The following CEP112 variants were observed in gnomAD, a reference collection of about 807,000 sequenced individuals.
CEP112 encodes the protein centrosomal protein of 112 kDa.
Under a neutral mutation model 153.0 loss-of-function variants are expected in CEP112, and 127 were observed. That is an observed-to-expected ratio of 0.83 (90% CI 0.72 to 0.96). CEP112 has a LOEUF of 0.96. CEP112 is among the 40% of genes least tolerant of loss of function. The pLI, the probability that CEP112 is intolerant of heterozygous loss-of-function variation, is 0.00. For synonymous variants in CEP112, 358 were observed against 374.4 expected (o/e 0.96, Z 0.51); for missense variants, 1,089 against 1,101.2 (o/e 0.99, Z 0.16).
intron 12 of CEP112, among the ~76,000 whole-genome samples, chr17:66,038,081 AC>A (rs1328894252): frequency 7.6e-6 from 1 of 132,436 alleles, no homozygotes; most frequent in Non-Finnish European, 1.6e-5. Flanking sequence ...TAGCCTGGCA[AC>A]AGAGCAAGAC....
intron 24 of CEP112, among the ~76,000 whole-genome samples, chr17:65,673,387 G>A (rs908075057): frequency 6.6e-6 from 1 of 152,050 alleles, no homozygotes; most frequent in Non-Finnish European, 1.5e-5. Context: ...GAAAGTTCTC[G>A]GCCCTTAGTG....
chr17:66,173,324 C>CT (rs1568576094), intron 4 of CEP112, among the ~76,000 whole-genome samples: 1 of 152,102 alleles, frequency 6.6e-6, no homozygotes, highest in Non-Finnish European at 1.5e-5. Flanking sequence ...TTCTAGGTGT[C>CT]CAGTTTTAAA....
At chr17:66,164,047 T>A (rs1331381855) in intron 4 of CEP112, among the ~76,000 whole-genome samples, 1 of 152,258 alleles carries the variant, frequency 6.6e-6, no homozygotes, top group Non-Finnish European at 1.5e-5. Flanking sequence ...AGTTGCCACT[T>A]GGCCTCATCT....
At chr17:66,023,466 T>C (rs1408605971) in intron 16 of CEP112, among the ~76,000 whole-genome samples, 1 of 152,136 alleles carries the variant, frequency 6.6e-6, no homozygotes, top group Non-Finnish European at 1.5e-5. Flanking sequence ...TATCCTGACA[T>C]AACAAGCTTC....
chr17:65,690,597 T>C (rs553249772), intron 23 of CEP112, among the ~76,000 whole-genome samples: 1 of 151,728 alleles, frequency 6.6e-6, no homozygotes, highest in South Asian at 2.1e-4. Flanking sequence ...GGGATTGAGA[T>C]TTTAAATAGA....
intron 21 of CEP112, among the ~76,000 whole-genome samples, chr17:65,785,934 G>A (rs529257865): frequency 1.2e-3 from 180 of 152,156 alleles, no homozygotes; most frequent in Non-Finnish European, 2.2e-3. Context: ...TAAATTTCAG[G>A]ATCAGTGTGT....
intron 18 of CEP112, among the ~76,000 whole-genome samples, chr17:65,932,441 TG>T (rs2144275860): frequency 6.6e-6 from 1 of 152,290 alleles, no homozygotes; most frequent in African/African-American, 2.4e-5. Flanking sequence ...ATCTATAAAA[TG>T]ACTGACAATT....
At chr17:65,998,656 A>G (rs542283747) in intron 17 of CEP112, among the ~76,000 whole-genome samples, 1 of 151,982 alleles carries the variant, frequency 6.6e-6, no homozygotes, top group South Asian at 2.1e-4. Context: ...CACGTATATA[A>G]TATAGTCGTT....
chr17:66,007,893 A>T (rs1175944359), intron 16 of CEP112, among the ~76,000 whole-genome samples: 1 of 151,872 alleles, frequency 6.6e-6, no homozygotes, highest in Non-Finnish European at 1.5e-5. Context: ...CAAATCATAC[A>T]TTTTTTTCTT....
chr17:66,158,528 C>T lies in CEP112; in HGVS notation c.470+16516G>A, dbSNP rs1281094228. Among the ~76,000 whole-genome samples the T allele has an allele frequency of 2.6e-5, 4 of 152,060 alleles. No individual in the cohort carries two copies. In the East Asian group the frequency reaches 5.8e-4, roughly 22 times the overall value. On this transcript the variant is annotated intron_variant, in intron 4 of 26. Transcript: ENST00000535342. ...ACAGGAGGCTGAGACAGGAGAATGG[C>T]GTGAACCCAGGAGGTGGAGCTTGCA... is the stretch of plus-strand genomic sequence containing the variant.
chr17:65,661,518 C>T (rs186690307), intron 24 of CEP112, among the ~76,000 whole-genome samples: 2 of 152,242 alleles, frequency 1.3e-5, no homozygotes, highest in African/African-American at 2.4e-5. Context: ...CTTCCTTACC[C>T]GAGAGCCTCC....
chr17:65,650,739 A>AT (rs2045713136), intron 24 of CEP112, among the ~76,000 whole-genome samples: 3 of 149,624 alleles, frequency 2.0e-5, no homozygotes, highest in Non-Finnish European at 3.0e-5. Flanking sequence ...CTAAAAAAAA[A>AT]AAAAAAAAAA....
intron 16 of CEP112, among the ~76,000 whole-genome samples, chr17:66,007,981 T>C (rs1004236780): frequency 2.6e-5 from 4 of 152,190 alleles, no homozygotes; most frequent in Admixed American, 2.6e-4. Flanking sequence ...TTTTTATACA[T>C]GGCATTTTTG....
intron 24 of CEP112, among the ~76,000 whole-genome samples, chr17:65,685,767 G>A (rs1475680786): frequency 6.9e-6 from 1 of 145,954 alleles, no homozygotes; most frequent in African/African-American, 2.6e-5. Flanking sequence ...CCACCTCCCA[G>A]GTTCAAGCGA....
chr17:65,678,057 G>A (rs554240190), intron 24 of CEP112, among the ~76,000 whole-genome samples: 27 of 152,166 alleles, frequency 1.8e-4, no homozygotes, highest in African/African-American at 6.5e-4. Context: ...CAAGTTAAGT[G>A]GCCCCTCGGA....
At chr17:66,113,212 T>C (rs1169063460) in intron 6 of CEP112, among the ~76,000 whole-genome samples, 1 of 112,680 alleles carries the variant, frequency 8.9e-6, no homozygotes, top group Non-Finnish European at 1.8e-5. Context: ...AAGGTATAAA[T>C]ATGCATCGTC....
chr17:66,125,580 T>C (rs954524346), intron 6 of CEP112, among the ~76,000 whole-genome samples: 2 of 151,276 alleles, frequency 1.3e-5, no homozygotes, highest in Non-Finnish European at 3.0e-5. Context: ...AAGCATGAAA[T>C]TGCCTAAAAT....
At chr17:66,190,025 C>T (rs1325364849) in intron 1 of CEP112, among the ~76,000 whole-genome samples, 1 of 151,456 alleles carries the variant, frequency 6.6e-6, no homozygotes, top group East Asian at 2.0e-4. Context: ...AAGTGAGACC[C>T]TGTCTCAAAA....
At chr17:65,806,151 A>G (rs1243499080) in intron 21 of CEP112, among the ~76,000 whole-genome samples, 3 of 152,212 alleles carry the variant, frequency 2.0e-5, no homozygotes, top group Non-Finnish European at 4.4e-5. Flanking sequence ...TCATCCATCT[A>G]TCTATTCAAC....
Sources: allele counts gnomAD v4.1 joint callset (sites outside exome capture counted in the v4.1 genomes callset), GRCh38; gene constraint gnomAD v4.1.1; transcripts MANE v1.5; gene names NCBI Gene and HGNC (gene_info 2026-07-23, HGNC 2026-07-21).